Variants in DIS3L2 observed in about 807,000 individuals in gnomAD.
DIS3L2 encodes DIS3 like 3'-5' exoribonuclease 2, also known as DIS3-like exonuclease 2.
DIS3L2 carries 34 observed loss-of-function variants against 97.5 expected under a neutral mutation model. The ratio of observed to expected loss-of-function variants is 0.35; its 90% confidence interval spans 0.27 to 0.46. The LOEUF is 0.46. Among genes scored for constraint, DIS3L2 ranks in the 20% least tolerant of loss-of-function variants. The pLI is 1.00. For missense variants in DIS3L2, 1,038 were observed against 1,146.0 expected (o/e 0.91, Z 1.36); for synonymous variants, 435 against 445.2 (o/e 0.98, Z 0.29).
intron 20 of DIS3L2, 188 bp downstream of exon 20, chr2:232,336,062 T>TC: frequency 6.5e-7 from 1 of 1,533,706 alleles, no homozygotes; most frequent in East Asian, 2.5e-5. Flanking sequence ...GGCACCACCT[T>TC]CCCTTCCTTG....
intron 3 of DIS3L2, among the ~76,000 whole-genome samples, chr2:232,018,954 T>G (rs1209527501): frequency 6.6e-6 from 1 of 152,064 alleles, no homozygotes; most frequent in Non-Finnish European, 1.5e-5. Context: ...ACTGAGAGGT[T>G]GTTATAGGAG....
chr2:232,202,526 C>G (rs1691923057), intron 9 of DIS3L2, among the ~76,000 whole-genome samples: 1 of 152,222 alleles, frequency 6.6e-6, no homozygotes, highest in Non-Finnish European at 1.5e-5. Flanking sequence ...TCATCACTAT[C>G]CTTTAAAAAA....
intron 16 of DIS3L2, 82 bp from the exon 17 acceptor site, chr2:232,333,756 GGT>G: frequency 4.8e-5 from 72 of 1,487,092 alleles, no homozygotes; most frequent in Admixed American, 2.7e-4. Flanking sequence ...CGCTGCCGAC[GGT>G]GAGGCTGTGG....
intron 1 of DIS3L2, among the ~76,000 whole-genome samples, chr2:232,013,483 C>T (rs1048393420): frequency 3.3e-5 from 5 of 152,174 alleles, no homozygotes; most frequent in African/African-American, 4.8e-5. Context: ...TTTCTGTTTG[C>T]GCCTCTATTT....
In DIS3L2 at chr2:232,325,217, G is replaced by A. The variant is rs1695539861; in HGVS notation, c.1740-4596G>A. On this transcript the variant is annotated intron_variant, in intron 14 of 20. Transcript: ENST00000325385. This position sits in a 1 kb window ranked among gnomAD's most constrained non-coding sequence, Gnocchi z 4.6. ...GTCCCACCTGAGCCAGCAGGAATGCGGCACCCAGTGGCTGGCTCTGCAGTC... is the reference window on the plus strand; with the variant it reads ...GTCCCACCTGAGCCAGCAGGAATGCAGCACCCAGTGGCTGGCTCTGCAGTC... 6.6e-6 allele frequency among the ~76,000 whole-genome samples: 1 copy of A among 152,222 alleles called. No homozygotes were observed. The highest frequency in any genetic ancestry group is 1.9e-4 in the East Asian group (1 of 5,194).
At chr2:232,334,012 G>A (rs866293989) in intron 17 of DIS3L2, 25 bp downstream of exon 17, 5 of 1,595,446 alleles carry the variant, frequency 3.1e-6, no homozygotes, top group Middle Eastern at 3.3e-4. Context: ...CGGGGTCAGG[G>A]CAGACCTGGG....
chr2:232,232,073 G>C (rs1692806988), intron 10 of DIS3L2, among the ~76,000 whole-genome samples: 1 of 152,244 alleles, frequency 6.6e-6, no homozygotes, highest in African/African-American at 2.4e-5. Context: ...ACAGTGTCTT[G>C]GGGGTGTAAC....
chr2:232,182,379 T>G (rs1485273333), intron 9 of DIS3L2, among the ~76,000 whole-genome samples: 1 of 152,338 alleles, frequency 6.6e-6, no homozygotes, highest in Admixed American at 6.5e-5. Context: ...TTTAGAAGAA[T>G]ATGTTTTCTG....
At chr2:232,065,258 C>G (rs922797272) in intron 5 of DIS3L2, among the ~76,000 whole-genome samples, 1 of 152,012 alleles carries the variant, frequency 6.6e-6, no homozygotes, top group Non-Finnish European at 1.5e-5. Flanking sequence ...GCTCCCATTT[C>G]TTTTTCCCCC....
chr2:232,149,665 A>C (rs1379194573), intron 8 of DIS3L2, among the ~76,000 whole-genome samples: 1 of 53,580 alleles, frequency 1.9e-5, no homozygotes, highest in Non-Finnish European at 3.1e-5. Context: ...ATACGTGTGC[A>C]TGTGTCTCTA....
intron 1 of DIS3L2, among the ~76,000 whole-genome samples, chr2:231,962,790 G>A (rs1391088689): frequency 6.6e-6 from 1 of 152,166 alleles, no homozygotes; most frequent in Non-Finnish European, 1.5e-5. Context: ...CCACTTGTAA[G>A]TGTGCTCAAT....
rs113366640 is a variant in DIS3L2 at position 232,191,905 on chromosome 2, T to C, written c.1125-18421T>C. ...TTGAAATAGAGTTATTTTGAAAATATTAAGTCGCTACTCTAATCTTGAATG... is the reference window on the plus strand; with the variant it reads ...TTGAAATAGAGTTATTTTGAAAATACTAAGTCGCTACTCTAATCTTGAATG... On this transcript the variant is annotated intron_variant, in intron 9 of 20. Transcript: ENST00000325385. 1.4e-4 allele frequency among the ~76,000 whole-genome samples: 22 copies of C among 152,342 alleles called. 2 individuals are homozygous for C. Among genetic ancestry groups the C allele is most frequent in the East Asian group, 5.8e-4 (3 of 5,186 alleles).
At chr2:231,992,263 T>G (rs924288075) in intron 1 of DIS3L2, among the ~76,000 whole-genome samples, 2 of 151,904 alleles carry the variant, frequency 1.3e-5, no homozygotes, top group African/African-American at 2.4e-5. Context: ...TGGGTAAAAT[T>G]TTAAGAGTGA....
chr2:232,033,904 A>T (rs935551875), intron 5 of DIS3L2, among the ~76,000 whole-genome samples: 3 of 152,162 alleles, frequency 2.0e-5, no homozygotes, highest in Admixed American at 6.5e-5. Flanking sequence ...ATTGATGTTC[A>T]TCAGGGATGT....
At chr2:232,062,408 C>G (rs1310148969) in intron 5 of DIS3L2, among the ~76,000 whole-genome samples, 2 of 152,116 alleles carry the variant, frequency 1.3e-5, no homozygotes, top group African/African-American at 2.4e-5. Context: ...TAGAGATGCT[C>G]TTTGGGAAAG....
chr2:232,166,640 C>T (rs1359795730), intron 9 of DIS3L2, among the ~76,000 whole-genome samples: 1 of 151,986 alleles, frequency 6.6e-6, no homozygotes, highest in African/African-American at 2.4e-5. Flanking sequence ...CGCTTGAACC[C>T]GGGAGGCGGA....
chr2:232,333,972 C>G lies in DIS3L2; in HGVS notation c.2143C>G (p.Leu715Val). The G allele has an allele frequency of 6.2e-7, 1 of 1,610,628 alleles. No homozygotes were observed. The highest frequency in any genetic ancestry group is 1.1e-5 in the South Asian group (1 of 90,930). ...TGCCGACGTCCTGGTGCACCGCCTCCTGGCTGCCGCGTTAGGTGAGGGGTG... is the reference window on the plus strand; with the variant it reads ...TGCCGACGTCCTGGTGCACCGCCTCGTGGCTGCCGCGTTAGGTGAGGGGTG... ...RFADVLVHRL[L>V]AAALGYRERL... is the part of the protein sequence containing the mutation. The change falls in exon 17 of 21, where the codon CTG becomes GTG. Residue 715 changes from leucine to valine, a missense_variant. Around this residue, in one of 3 missense-constraint regions of DIS3L2, gnomAD observed 221 missense variants for 246.9 expected, o/e 0.90. Coordinates refer to ENST00000325385, the MANE Select transcript of DIS3L2 (RefSeq NM_152383.5).
chr2:232,092,142 T>C (rs889848742), intron 6 of DIS3L2, among the ~76,000 whole-genome samples: 2 of 152,240 alleles, frequency 1.3e-5, no homozygotes, highest in Non-Finnish European at 2.9e-5. Flanking sequence ...CACCATTTAT[T>C]GAAGAGACTG....
chr2:232,289,844 T>C (rs1265765413), intron 13 of DIS3L2, among the ~76,000 whole-genome samples: 1 of 152,252 alleles, frequency 6.6e-6, no homozygotes, highest in Non-Finnish European at 1.5e-5. Flanking sequence ...CCACAAGGTC[T>C]GCAGCTTGGG....
Sources: gnomAD v4.1 joint callset for allele counts (sites outside exome capture counted in the v4.1 genomes callset) on GRCh38, gnomAD v4.1.1 for gene constraint, gnomAD v4.1.1 regional missense constraint, Gnocchi (gnomAD v3.1) non-coding constraint, MANE v1.5 for transcripts, NCBI Gene and HGNC (gene_info 2026-07-23, HGNC 2026-07-21) for gene names.